Variants in PLCE1 observed in about 807,000 individuals in gnomAD.
PLCE1 encodes the protein phospholipase C epsilon 1.
PLCE1 carries 119 observed loss-of-function variants against 242.8 expected under a neutral mutation model. The ratio of observed to expected loss-of-function variants is 0.49; its 90% confidence interval spans 0.42 to 0.57. The LOEUF is 0.57. Among genes scored for constraint, PLCE1 ranks in the 20% least tolerant of loss-of-function variants. The pLI is 0.00. For missense variants in PLCE1, 2,441 were observed against 2,788.8 expected (o/e 0.88, Z 2.81); for synonymous variants, 945 against 1,017.4 (o/e 0.93, Z 1.35).
chr10:94,323,824 C>T (rs2053911271), intron 30 of PLCE1, among the ~76,000 whole-genome samples: 1 of 152,204 alleles, frequency 6.6e-6, no homozygotes, highest in African/African-American at 2.4e-5. Flanking sequence ...CCTCACTAAA[C>T]ATTTAATGAA....
chr10:94,262,358 C>T (rs2051331807), intron 13 of PLCE1, 136 bp from the exon 14 acceptor site: 1 of 767,130 alleles, frequency 1.3e-6, no homozygotes, highest in Admixed American at 1.8e-5. Flanking sequence ...CAGAAATAAA[C>T]ACTTCTTTGA....
intron 22 of PLCE1, among the ~76,000 whole-genome samples, chr10:94,290,812 A>G (rs1589486721): frequency 6.6e-6 from 1 of 152,200 alleles, no homozygotes; most frequent in South Asian, 2.1e-4. Flanking sequence ...ATTTATTATT[A>G]TTACCAAGTA....
chr10:94,060,954 C>A (rs1261547499), intron 2 of PLCE1, among the ~76,000 whole-genome samples: 1 of 152,100 alleles, frequency 6.6e-6, no homozygotes, highest in East Asian at 1.9e-4. Context: ...CCGCCTCGGC[C>A]TCCCAAAATG....
At chr10:94,148,516 G>A (rs916828869) in intron 3 of PLCE1, among the ~76,000 whole-genome samples, 1 of 152,176 alleles carries the variant, frequency 6.6e-6, no homozygotes, top group Non-Finnish European at 1.5e-5. Context: ...GCCACAATCA[G>A]TTCTCACCTG....
intron 1 of PLCE1, among the ~76,000 whole-genome samples, chr10:94,018,871 A>G (rs1381927337): frequency 6.6e-6 from 1 of 152,210 alleles, no homozygotes; most frequent in African/African-American, 2.4e-5. Context: ...GATAAGGAAA[A>G]TGATCACATA....
At chr10:94,027,519 C>T (rs1369273043) in intron 1 of PLCE1, among the ~76,000 whole-genome samples, 1 of 152,116 alleles carries the variant, frequency 6.6e-6, no homozygotes, top group Non-Finnish European at 1.5e-5. Context: ...GAGACAAAGC[C>T]ACATATAAGA....
chr10:94,163,702 A>T (rs893428885), intron 3 of PLCE1, among the ~76,000 whole-genome samples: 1 of 152,068 alleles, frequency 6.6e-6, no homozygotes, highest in African/African-American at 2.4e-5. Flanking sequence ...TGTCATTATG[A>T]TGTTAGCTGG....
At position 94,304,623 on chromosome 10, in the gene PLCE1, A is replaced by T; in HGVS notation, c.5600A>T (p.Asp1867Val). 2 of 1,614,076 alleles carry T rather than the reference A, an allele frequency of 1.2e-6. No individual in the cohort carries two copies. Among genetic ancestry groups the T allele is most frequent in the South Asian group, 2.2e-5 (2 of 91,076 alleles). Residue 1867 changes from aspartate (D) to valine (V), a missense_variant, in exon 25 of 33, where the codon GAT becomes GTT. Coordinates refer to ENST00000371380, the MANE Select transcript of PLCE1 (RefSeq NM_016341.4). Reference sequence around the variant, plus strand: ...CTAGAAAGAGATCTGGACAGCATGGATCCTGCAGTCTATTCTTTAACTGTA... The same window carrying T: ...CTAGAAAGAGATCTGGACAGCATGGTTCCTGCAGTCTATTCTTTAACTGTA... ...SPLERDLDSM[D>V]PAVYSLTIVS... is the part of the protein sequence containing the mutation.
At chr10:94,018,625 T>G (rs1449138170) in intron 1 of PLCE1, among the ~76,000 whole-genome samples, 2 of 152,214 alleles carry the variant, frequency 1.3e-5, no homozygotes, top group Non-Finnish European at 2.9e-5. Flanking sequence ...TTAGTATGCT[T>G]ACAATTTAAT....
chr10:94,221,122 G>A (rs1255513659), intron 4 of PLCE1, among the ~76,000 whole-genome samples: 3 of 152,196 alleles, frequency 2.0e-5, no homozygotes, highest in African/African-American at 2.4e-5. Context: ...AAACTCCAGC[G>A]CATATAAGAA....
intron 28 of PLCE1, among the ~76,000 whole-genome samples, chr10:94,313,670 G>T (rs2053463666): frequency 6.6e-6 from 1 of 152,158 alleles, no homozygotes; most frequent in African/African-American, 2.4e-5. Context: ...GAATGATAAA[G>T]ACCGGAATGA....
At chr10:94,112,447 A>G (rs922725346) in intron 2 of PLCE1, among the ~76,000 whole-genome samples, 1 of 152,220 alleles carries the variant, frequency 6.6e-6, no homozygotes, top group African/African-American at 2.4e-5. Context: ...TTTCTTAAAA[A>G]TTTTGAGGTT....
rs748326515 is a variant in PLCE1 at position 94,316,637 on chromosome 10, T to C, written c.6223T>C (p.Cys2075Arg). The C allele has an allele frequency of 3.1e-6, 5 of 1,610,218 alleles. No individual in the cohort carries two copies. The South Asian group carries it at 4.4e-5, about 14-fold the overall frequency. ...TTTTATATCTAAAGAAAAGAATGAA[T>C]GTAGGAAACAACCATTCCAGAGAGC... ...KYFISKEKNE[C>R]RKQPFQRAIG... Residue 2075 changes from cysteine to arginine, a missense_variant, in exon 29 of 33, where the codon TGT becomes CGT. Cys to Arg is a radical substitution (Grantham distance 180, BLOSUM62 -3). This residue lies in a region of PLCE1 where 310 missense variants were observed against 317.2 expected (regional missense o/e 0.98). Coordinates refer to ENST00000371380, the MANE Select transcript of PLCE1 (RefSeq NM_016341.4).
rs181335464 is a variant in PLCE1, at chr10:94,253,534, T to G, written c.3280-656T>G. On this transcript the variant is annotated intron_variant, in intron 9 of 32. Coordinates refer to ENST00000371380, the MANE Select transcript of PLCE1 (RefSeq NM_016341.4). ...ATGCCTGGCTAATTTTTTTTATTTTTTATAGAGACAGGGTCTCACTATGTT... is the reference window on the plus strand; with the variant it reads ...ATGCCTGGCTAATTTTTTTTATTTTGTATAGAGACAGGGTCTCACTATGTT... 2.0e-3 allele frequency among the ~76,000 whole-genome samples: 308 copies of G among 152,222 alleles called. 1 individual carries two copies. Among genetic ancestry groups the G allele is most frequent in the Non-Finnish European group, 3.0e-3 (204 of 68,006 alleles).
chr10:94,045,342 C>A (rs192062566), intron 2 of PLCE1, among the ~76,000 whole-genome samples: 1 of 152,142 alleles, frequency 6.6e-6, no homozygotes, highest in Non-Finnish European at 1.5e-5. Context: ...CACGTTGTTG[C>A]CCAGGTTTGT....
intron 7 of PLCE1, among the ~76,000 whole-genome samples, chr10:94,244,650 T>C (rs958420822): frequency 1.3e-5 from 2 of 152,232 alleles, no homozygotes; most frequent in South Asian, 2.1e-4. Context: ...AGAACTGTTA[T>C]GCTTTTCTGG....
intron 3 of PLCE1, among the ~76,000 whole-genome samples, chr10:94,153,636 A>C (rs2047341350): frequency 1.3e-5 from 2 of 152,190 alleles, no homozygotes; most frequent in Admixed American, 1.3e-4. Context: ...AAAGATAGAC[A>C]ATCCTAAGGA....
Position 94,153,469 on chromosome 10 carries a change from T to G in PLCE1, c.1493-17711T>G, listed in dbSNP as rs12780551. 2.2e-3 allele frequency among the ~76,000 whole-genome samples: 330 copies of G among 152,228 alleles called. 2 individuals are homozygous for G. Among genetic ancestry groups the G allele is most frequent in the Non-Finnish European group, 3.6e-3 (248 of 67,992 alleles). On this transcript the variant is annotated intron_variant, in intron 3 of 32. Coordinates refer to ENST00000371380, the MANE Select transcript of PLCE1 (RefSeq NM_016341.4). ...CAAAACCCACAGCTGACATCACACA[T>G]GCTGATGAAAGACTAAAAACTTTCC...
intron 20 of PLCE1, among the ~76,000 whole-genome samples, chr10:94,282,579 AT>A (rs1309456268): frequency 6.6e-6 from 1 of 152,198 alleles, no homozygotes; most frequent in Non-Finnish European, 1.5e-5. Context: ...CCTTGGCATG[AT>A]TCACATTAAT....
Sources: allele counts gnomAD v4.1 joint callset (sites outside exome capture counted in the v4.1 genomes callset), GRCh38; gene constraint gnomAD v4.1.1; regional missense constraint gnomAD v4.1.1; transcripts MANE v1.5; gene names NCBI Gene and HGNC (gene_info 2026-07-23, HGNC 2026-07-21).